The following PRDM4 variants were observed in gnomAD, a reference collection of about 807,000 sequenced individuals.
PRDM4 encodes PR/SET domain 4.
Under a neutral mutation model 62.3 loss-of-function variants are expected in PRDM4, and 38 were observed. The observed-to-expected ratio is 0.61, with a 90% CI of 0.47 to 0.80. The LOEUF is 0.80. Ranked by LOEUF, PRDM4 falls within the 30% of genes least tolerant of loss-of-function variation. The pLI is 0.00. For synonymous variants in PRDM4, 339 were observed against 348.2 expected (o/e 0.97, Z 0.30); for missense variants, 858 against 997.1 (o/e 0.86, Z 1.88).
At position 107,738,001 on chromosome 12, in the gene PRDM4, T is replaced by C. The variant is rs544484828; in HGVS notation, c.2093+1382A>G. On this transcript the variant is annotated intron_variant, in intron 11 of 11. Transcript: ENST00000228437. ...AAGAGATTGGAACTCTCATATTCTT[T>C]CTCTTTCATTCTCTCAACAGAAACG... is the stretch of plus-strand genomic sequence containing the variant. The C allele has an allele frequency of 2.6e-5, 4 of 152,260 alleles. No individual in the cohort carries two copies. The South Asian group carries it at 8.3e-4, about 32-fold the overall frequency. The allele number at this position is 152,260 out of a possible 1,614,324, so 9.4% of individuals were successfully genotyped here.
At chr12:107,738,049 C>G (rs990129252) in intron 11 of PRDM4, 32 of 152,154 alleles carry the variant, frequency 2.1e-4, no homozygotes, top group African/African-American at 7.2e-4. Context: ...GTCCTGGAGG[C>G]TGGAGTCAGA....
chr12:107,747,791 A>G (rs1890759478), intron 5 of PRDM4, among the ~76,000 whole-genome samples: 1 of 151,774 alleles, frequency 6.6e-6, no homozygotes, highest in Admixed American at 6.6e-5. Flanking sequence ...ACAGTCATCT[A>G]TCTGTCTTTT....
chr12:107,735,787 C>A (rs1422458287), intron 11 of PRDM4, among the ~76,000 whole-genome samples: 1 of 144,952 alleles, frequency 6.9e-6, no homozygotes, highest in African/African-American at 2.6e-5. Flanking sequence ...AGTAGCTGAA[C>A]CCCATGTCTT....
chr12:107,751,600 G>C lies in PRDM4; in HGVS notation c.941C>G (p.Ser314Cys). The change falls in exon 5 of 12, where the codon TCT (serine) becomes TGT (cysteine). Residue 314 changes from serine (S) to cysteine (C), a missense_variant. By Grantham distance (112) the Ser-to-Cys change is moderately radical. Transcript: ENST00000228437. The stretch of plus-strand genomic sequence containing the variant: ...GAGGCCAACTTCATGGAGGGAAACA[G>C]ATTCTAGGGAGGCAAGGTTGTGTGA... Reference protein sequence around the residue: ...STSHNLASLESVSLHEVGLSL... With the variant: ...STSHNLASLECVSLHEVGLSL... The C allele has an allele frequency of 6.2e-7, 1 of 1,613,784 alleles. No homozygotes were observed. Among genetic ancestry groups the C allele is most frequent in the South Asian group, 1.1e-5 (1 of 91,082 alleles).
At chr12:107,749,245 T>C (rs1291030008) in intron 5 of PRDM4, among the ~76,000 whole-genome samples, 1 of 152,142 alleles carries the variant, frequency 6.6e-6, no homozygotes, top group Admixed American at 6.6e-5. Context: ...ACACACAACT[T>C]TTCATTAGAC....
intron 7 of PRDM4, 120 bp downstream of exon 7, chr12:107,744,423 G>C (rs914783005): frequency 9.1e-7 from 1 of 1,104,500 alleles, no homozygotes; most frequent in Non-Finnish European, 1.3e-6. Context: ...TGAAATAAAT[G>C]ACTGACCAGT....
intron 5 of PRDM4, among the ~76,000 whole-genome samples, chr12:107,747,610 TACA>T (rs1259470275): frequency 6.6e-6 from 1 of 152,218 alleles, no homozygotes; most frequent in Non-Finnish European, 1.5e-5. Context: ...CTATTCTTAC[TACA>T]ACTTCACTTT....
At chr12:107,755,419 T>C (rs1891032909) in intron 3 of PRDM4, among the ~76,000 whole-genome samples, 1 of 152,170 alleles carries the variant, frequency 6.6e-6, no homozygotes, top group Admixed American at 6.5e-5. Flanking sequence ...TTAACAGGCT[T>C]TTCCACCTTA....
At position 107,733,161 on chromosome 12, in the gene PRDM4, CTTT is replaced by C. The variant is rs545116796; in HGVS notation, c.*1046_*1048del. On this transcript the variant is annotated 3_prime_UTR_variant, in exon 12 of 12. Coordinates refer to ENST00000228437, the MANE Select transcript of PRDM4 (RefSeq NM_012406.4). ...GCCCATGTGGTCACTATTCAGCCTTCTTTACCTTCCAAAAATCCTTTGGCATCT... is the reference window on the plus strand; with the variant it reads ...GCCCATGTGGTCACTATTCAGCCTTCACCTTCCAAAAATCCTTTGGCATCT... The C allele has an allele frequency of 4.6e-5, 7 of 152,322 alleles. No homozygotes were observed. The highest frequency in any genetic ancestry group is 8.8e-5 in the Non-Finnish European group (6 of 68,052). The allele number at this position is 152,322 out of a possible 1,614,324, so 9.4% of individuals were successfully genotyped here. A position where few individuals can be genotyped will look rare whatever the true frequency, so the allele number is the denominator to read the frequency against.
chr12:107,751,385 T>A (rs1418738132), intron 5 of PRDM4, 30 bp downstream of exon 5: 1 of 1,567,886 alleles, frequency 6.4e-7, no homozygotes, highest in Non-Finnish European at 8.7e-7. Flanking sequence ...TTACAAATAT[T>A]TCCAAAAAAG....
Position 107,733,763 on chromosome 12 carries a change from G to C in PRDM4, c.*447C>G, listed in dbSNP as rs775087043. 1.8e-4 allele frequency: 30 copies of C among 170,388 alleles called. No homozygotes were observed. The highest frequency in any genetic ancestry group is 3.8e-4 in the Non-Finnish European group (30 of 79,804). The allele number at this position is 170,388 out of a possible 1,614,324, so 10.6% of individuals were successfully genotyped here. A position where few individuals can be genotyped will look rare whatever the true frequency, so the allele number is the denominator to read the frequency against. On this transcript the variant is annotated 3_prime_UTR_variant, in exon 12 of 12. Coordinates refer to ENST00000228437, the MANE Select transcript of PRDM4 (RefSeq NM_012406.4). ...CCAATCCATTCTGTGGTGAGTATAA[G>C]TCACAAGAGTCTGCATAAAACACTA...
intron 9 of PRDM4, 97 bp from the exon 10 acceptor site, chr12:107,741,357 A>T: frequency 8.5e-7 from 1 of 1,178,212 alleles, no homozygotes; most frequent in Non-Finnish European, 1.2e-6. Context: ...CTTTCTCTCC[A>T]TATTTCCAAT....
At position 107,746,311 on chromosome 12, in the gene PRDM4, G is replaced by A; in HGVS notation, c.1240C>T (p.Leu414Phe). ...CCCACAATTGACTGACGGAGAACAAGCTGCTTTGGGAGAGAAAGCCTTGCT... is the reference window on the plus strand; with the variant it reads ...CCCACAATTGACTGACGGAGAACAAACTGCTTTGGGAGAGAAAGCCTTGCT... ...SRARLSLPKQ[L>F]VLRQSIVGAE... Residue 414 changes from leucine to phenylalanine, a missense_variant, in exon 6 of 12, where the codon CTT becomes TTT. Leu to Phe is a conservative substitution (Grantham distance 22, BLOSUM62 0). Around this residue, in one of 3 missense-constraint regions of PRDM4, gnomAD observed 499 missense variants for 546.7 expected, o/e 0.91. Transcript: ENST00000228437. 1 of 1,614,022 alleles carries A rather than the reference G, an allele frequency of 6.2e-7. No individual in the cohort carries two copies. Among genetic ancestry groups the A allele is most frequent in the Non-Finnish European group, 8.5e-7 (1 of 1,179,988 alleles).
Position 107,733,335 on chromosome 12 carries a change from T to C in PRDM4, c.*875A>G, listed in dbSNP as rs1430435596. ...GAAACATAAAAGATTATTCCCTTCC[T>C]TCCCTTCCTCAGGTGAGTCCACATG... On this transcript the variant is annotated 3_prime_UTR_variant, in exon 12 of 12. Transcript: ENST00000228437. The C allele has an allele frequency of 6.6e-6, 1 of 152,220 alleles. No individual in the cohort carries two copies. Among genetic ancestry groups the C allele is most frequent in the African/African-American group, 2.4e-5 (1 of 41,458 alleles). 9.4% of individuals were successfully genotyped at this position (152,220 alleles called of 1,614,324 possible). A position where few individuals can be genotyped will look rare whatever the true frequency, so the allele number is the denominator to read the frequency against.
At chr12:107,747,019 C>A (rs1371530029) in intron 5 of PRDM4, among the ~76,000 whole-genome samples, 1 of 151,914 alleles carries the variant, frequency 6.6e-6, no homozygotes, top group Non-Finnish European at 1.5e-5. Context: ...TGGTAGTTCA[C>A]GCCTGTAAAC....
At position 107,754,083 on chromosome 12, in the gene PRDM4, C is replaced by A. The variant is rs767991712; in HGVS notation, c.172G>T (p.Gly58Cys). 1 of 1,606,666 alleles carries A rather than the reference C, an allele frequency of 6.2e-7. No homozygotes were observed. ...PGLPVAIPNLGPSLSSLPSAL... is the reference protein window; with the variant it reads ...PGLPVAIPNLCPSLSSLPSAL... ...GAAGGCAGAGAGCTCAGGGAGGGAC[C>A]CAGGTTTGGAATTGCCACTGGGAGG... Residue 58 changes from glycine (G) to cysteine (C), a missense_variant, in exon 4 of 12, where the codon GGT becomes TGT. Gly to Cys is a radical substitution (Grantham distance 159). This residue lies in a region of PRDM4 where 499 missense variants were observed against 546.7 expected (regional missense o/e 0.91). Transcript: ENST00000228437.
In PRDM4 at chr12:107,742,245, T is replaced by C; in HGVS notation, c.1585A>G (p.Ser529Gly). 1 of 1,613,420 alleles carries C rather than the reference T, an allele frequency of 6.2e-7. No individual in the cohort carries two copies. Among genetic ancestry groups the C allele is most frequent in the South Asian group, 1.1e-5 (1 of 91,070 alleles). Reference protein sequence around the residue: ...PPENELLFYYSRDYAQQIGVP... With the variant: ...PPENELLFYYGRDYAQQIGVP... ...CCAATCTGTTGAGCATAATCTCGGC[T>C]ATAATAAAAAAGCAGTTCATTTTCA... The change falls in exon 9 of 12, where the codon AGC becomes GGC. Residue 529 changes from serine to glycine, a missense_variant. By Grantham distance (56) the Ser-to-Gly change is moderately conservative. Around this residue, in one of 3 missense-constraint regions of PRDM4, gnomAD observed 355 missense variants for 432.6 expected, o/e 0.82. Transcript: ENST00000228437.
chr12:107,734,642 T>C (rs1433433417), intron 11 of PRDM4, 120 bp from the exon 12 acceptor site: 21 of 907,512 alleles, frequency 2.3e-5, no homozygotes, highest in Middle Eastern at 2.2e-4. Context: ...AATCAGGCTT[T>C]TGCATAGGTG....
Position 107,734,476 on chromosome 12 carries a change from T to C in PRDM4, c.2140A>G (p.Thr714Ala). 1 of 1,614,218 alleles carries C rather than the reference T, an allele frequency of 6.2e-7. No individual in the cohort carries two copies. The highest frequency in any genetic ancestry group is 8.5e-7 in the Non-Finnish European group (1 of 1,180,024). The stretch of plus-strand genomic sequence containing the variant: ...TTGAGATGCTTCTTTAAGTGATTTG[T>C]TCTCAAGAACAGCTTATCACACTTG... Reference protein sequence around the residue: ...CPKCDKLFLRTNHLKKHLNSH... With the variant: ...CPKCDKLFLRANHLKKHLNSH... The change falls in exon 12 of 12, where the codon ACA becomes GCA. Residue 714 changes from threonine (T) to alanine (A), a missense_variant. Around this residue, in one of 3 missense-constraint regions of PRDM4, gnomAD observed 355 missense variants for 432.6 expected, o/e 0.82. Transcript: ENST00000228437.
Sources: gnomAD v4.1 joint callset for allele counts (sites outside exome capture counted in the v4.1 genomes callset) on GRCh38, gnomAD v4.1.1 for gene constraint, gnomAD v4.1.1 regional missense constraint, MANE v1.5 for transcripts, NCBI Gene and HGNC (gene_info 2026-07-23, HGNC 2026-07-21) for gene names.